Variants in PDZRN3 observed in about 807,000 individuals in gnomAD.
The protein encoded by PDZRN3 is E3 ubiquitin-protein ligase PDZRN3.
In PDZRN3, 38 loss-of-function variants were observed where a neutral mutation model predicts 85.7. That is an observed-to-expected ratio of 0.44 (90% CI 0.34 to 0.58). The LOEUF (loss-of-function observed/expected upper bound fraction) is 0.58, where lower values mean the gene tolerates loss of function less well. Ranked by LOEUF, PDZRN3 falls within the 20% of genes least tolerant of loss-of-function variation. PDZRN3 has a pLI of 0.01. For missense variants in PDZRN3, 1,629 were observed against 1,506.4 expected (o/e 1.08, Z -1.35); for synonymous variants, 759 against 638.0 (o/e 1.19, Z -2.86).
At chr3:73,388,655 A>G (rs1388581546) in intron 7 of PDZRN3, among the ~76,000 whole-genome samples, 1 of 151,998 alleles carries the variant, frequency 6.6e-6, no homozygotes, top group Non-Finnish European at 1.5e-5. Context: ...TGGAGGTCTT[A>G]GTCCTGGTGG....
At chr3:73,427,199 T>C (rs1322394305) in intron 3 of PDZRN3, among the ~76,000 whole-genome samples, 3 of 152,234 alleles carry the variant, frequency 2.0e-5, no homozygotes, top group Non-Finnish European at 4.4e-5. Flanking sequence ...CATTCATTCC[T>C]GACATTTCTC....
intron 1 of PDZRN3, among the ~76,000 whole-genome samples, chr3:73,613,716 G>A (rs1373965363): frequency 1.3e-5 from 2 of 152,094 alleles, no homozygotes; most frequent in Non-Finnish European, 2.9e-5. Context: ...GAAGACTGAG[G>A]AGTTCTCAAC....
At chr3:73,528,760 T>G (rs144299765) in intron 3 of PDZRN3, among the ~76,000 whole-genome samples, 223 of 152,254 alleles carry the variant, frequency 1.5e-3, no homozygotes, top group Non-Finnish European at 2.9e-3. Flanking sequence ...TGGATATTGG[T>G]AAAGAATTTC....
chr3:73,483,031 C>G (rs1392226191), intron 3 of PDZRN3, among the ~76,000 whole-genome samples: 2 of 152,172 alleles, frequency 1.3e-5, no homozygotes, highest in African/African-American at 4.8e-5. Context: ...AGAACAAACA[C>G]GCATGCCTTG....
chr3:73,607,720 C>G (rs1450784839), intron 2 of PDZRN3, among the ~76,000 whole-genome samples: 1 of 152,132 alleles, frequency 6.6e-6, no homozygotes, highest in Non-Finnish European at 1.5e-5. Context: ...TTCTTCCAAT[C>G]CAATCTCTAA....
intron 3 of PDZRN3, 171 bp from the exon 4 acceptor site, chr3:73,404,566 AAG>A (rs946655114): frequency 3.0e-5 from 19 of 634,808 alleles, no homozygotes; most frequent in Non-Finnish European, 4.6e-5. Context: ...GCCTGGTGGA[AAG>A]AGAGTGAGTT....
intron 3 of PDZRN3, among the ~76,000 whole-genome samples, chr3:73,422,810 A>T (rs538483450): frequency 2.5e-3 from 388 of 152,340 alleles, no homozygotes; most frequent in Non-Finnish European, 4.6e-3. Context: ...GAGATTAGAC[A>T]GACATGCTAA....
At chr3:73,387,219 C>G (rs1000595050) in intron 8 of PDZRN3, among the ~76,000 whole-genome samples, 36 of 152,250 alleles carry the variant, frequency 2.4e-4, no homozygotes, top group African/African-American at 7.9e-4. Flanking sequence ...ATGTCTTTAT[C>G]AGCAGCATGA....
chr3:73,551,451 G>A (rs184203682), intron 3 of PDZRN3, among the ~76,000 whole-genome samples: 68 of 152,274 alleles, frequency 4.5e-4, no homozygotes, highest in Admixed American at 7.8e-4. Flanking sequence ...GGGAGGCTGA[G>A]GTGGGAGGAT....
At chr3:73,585,594 G>GAGAA (rs1702265692) in intron 3 of PDZRN3, among the ~76,000 whole-genome samples, 1 of 152,140 alleles carries the variant, frequency 6.6e-6, no homozygotes, top group African/African-American at 2.4e-5. Flanking sequence ...AAGTTCCACT[G>GAGAA]TGTTTTATTG....
chr3:73,481,895 A>G (rs1703568694), intron 3 of PDZRN3, among the ~76,000 whole-genome samples: 1 of 152,254 alleles, frequency 6.6e-6, no homozygotes, highest in Non-Finnish European at 1.5e-5. Flanking sequence ...TCCAAAAAAC[A>G]GAAACCATCC....
intron 4 of PDZRN3, 35 bp downstream of exon 4, chr3:73,404,112 CT>C: frequency 6.3e-7 from 1 of 1,585,222 alleles, no homozygotes; most frequent in Non-Finnish European, 8.6e-7. Flanking sequence ...GGAAATACTT[CT>C]TAATGCATTA....
At chr3:73,498,776 G>T (rs1276186096) in intron 3 of PDZRN3, among the ~76,000 whole-genome samples, 1 of 152,066 alleles carries the variant, frequency 6.6e-6, no homozygotes, top group African/African-American at 2.4e-5. Flanking sequence ...GTAGAGACGG[G>T]GTTTCACATG....
intron 3 of PDZRN3, among the ~76,000 whole-genome samples, chr3:73,574,379 C>T (rs1309749207): frequency 6.6e-6 from 1 of 151,200 alleles, no homozygotes; most frequent in Non-Finnish European, 1.5e-5. Flanking sequence ...TTCTTAGCCA[C>T]TCCCCTCACA....
At chr3:73,470,891 TG>T (rs1575675862) in intron 3 of PDZRN3, among the ~76,000 whole-genome samples, 1 of 152,210 alleles carries the variant, frequency 6.6e-6, no homozygotes, top group Non-Finnish European at 1.5e-5. Context: ...TGAAAATATC[TG>T]GGAGAAACAC....
At chr3:73,622,259 TGACA>T (rs1364555843) in intron 1 of PDZRN3, among the ~76,000 whole-genome samples, 3 of 152,080 alleles carry the variant, frequency 2.0e-5, no homozygotes, top group Non-Finnish European at 2.9e-5. Flanking sequence ...AGACTGCAGC[TGACA>T]GACAGGCCAG....
At chr3:73,551,187 ATTAAGAAAATGTATTT>A (rs1701543029) in intron 3 of PDZRN3, among the ~76,000 whole-genome samples, 1 of 152,296 alleles carries the variant, frequency 6.6e-6, no homozygotes, top group African/African-American at 2.4e-5. Flanking sequence ...GTTGTGGCTT[ATTAAGAAAATGTATTT>A]TTTTGAGAGG....
At chr3:73,438,322 A>C (rs1396028597) in intron 3 of PDZRN3, among the ~76,000 whole-genome samples, 1 of 152,216 alleles carries the variant, frequency 6.6e-6, no homozygotes, top group African/African-American at 2.4e-5. Context: ...AGATGTAGAC[A>C]TGAACTTATA....
intron 3 of PDZRN3, among the ~76,000 whole-genome samples, chr3:73,588,501 G>A (rs762189686): frequency 6.6e-5 from 10 of 152,116 alleles, no homozygotes; most frequent in African/African-American, 1.7e-4. Flanking sequence ...GCCCAGATCG[G>A]GAGCAGAATG....
Sources: gnomAD v4.1 joint callset for allele counts (sites outside exome capture counted in the v4.1 genomes callset) on GRCh38, gnomAD v4.1.1 for gene constraint, MANE v1.5 for transcripts, NCBI Gene and HGNC (gene_info 2026-07-23, HGNC 2026-07-21) for gene names.